PCDH9: variants seen among roughly 807,000 people sequenced by gnomAD.
PCDH9 encodes protocadherin-9.
PCDH9 carries 24 observed loss-of-function variants against 70.6 expected under a neutral mutation model. That is an observed-to-expected ratio of 0.34 (90% CI 0.25 to 0.48). PCDH9 has a LOEUF of 0.48. Among genes scored for constraint, PCDH9 ranks in the 20% least tolerant of loss-of-function variants. The probability of loss-of-function intolerance (pLI) is 0.99; values close to 1 mark genes in which losing one functional copy is unlikely to be tolerated. For synonymous variants in PCDH9, 562 were observed against 558.5 expected, an observed-to-expected ratio of 1.01 and a Z score of -0.09; for missense variants, 1,281 against 1,503.6, an observed-to-expected ratio of 0.85 and a Z score of 2.45.
intron 2 of PCDH9, among the ~76,000 whole-genome samples, chr13:67,178,243 G>A (rs886992478): frequency 1.3e-5 from 2 of 152,006 alleles, no homozygotes; most frequent in Non-Finnish European, 1.5e-5. Flanking sequence ...TACTATGAAA[G>A]TTAAAGGTCA....
At chr13:66,411,545 C>T (rs914663101) in intron 4 of PCDH9, among the ~76,000 whole-genome samples, 3 of 152,010 alleles carry the variant, frequency 2.0e-5, no homozygotes, top group Admixed American at 2.0e-4. Flanking sequence ...GCCTCAGCCT[C>T]CCAAATTACT....
chr13:66,668,225 C>A (rs942957644), intron 3 of PCDH9, among the ~76,000 whole-genome samples: 1 of 152,082 alleles, frequency 6.6e-6, no homozygotes, highest in Non-Finnish European at 1.5e-5. Context: ...AGGTGAGTGA[C>A]AAGTATATAA....
chr13:67,118,721 A>G (rs1424283586), intron 2 of PCDH9, among the ~76,000 whole-genome samples: 6 of 152,144 alleles, frequency 3.9e-5, no homozygotes, highest in Admixed American at 3.9e-4. Flanking sequence ...TCAATGAAAG[A>G]TTGGCCTGAA....
chr13:67,155,769 G>T (rs2087794636), intron 2 of PCDH9, among the ~76,000 whole-genome samples: 1 of 151,816 alleles, frequency 6.6e-6, no homozygotes, highest in Non-Finnish European at 1.5e-5. Flanking sequence ...GCTGTTTTGT[G>T]GGAATAATAA....
At chr13:67,131,518 A>T (rs2087111079) in intron 2 of PCDH9, among the ~76,000 whole-genome samples, 1 of 152,152 alleles carries the variant, frequency 6.6e-6, no homozygotes, top group South Asian at 2.1e-4. Context: ...AACTTTTGAC[A>T]TCTTGATTTC....
chr13:67,157,612 G>A (rs573997881), intron 2 of PCDH9, among the ~76,000 whole-genome samples: 1 of 152,250 alleles, frequency 6.6e-6, no homozygotes, highest in Non-Finnish European at 1.5e-5. Flanking sequence ...CTGTAACTGA[G>A]TGATTTCTTT....
intron 3 of PCDH9, among the ~76,000 whole-genome samples, chr13:66,860,196 G>T (rs865893431): frequency 2.0e-5 from 3 of 152,122 alleles, no homozygotes; most frequent in Admixed American, 6.6e-5. Flanking sequence ...TTTGGCTAGG[G>T]ATAAAAAGGA....
chr13:66,304,260 CAAAAAAAAAA>C lies in PCDH9; in HGVS notation c.*385_*394del, dbSNP rs55837718. 5.5e-4 allele frequency: 36 copies of C among 65,522 alleles called. No individual in the cohort carries two copies. The highest frequency in any genetic ancestry group is 2.2e-3 in the East Asian group (4 of 1,848). The allele number at this position is 65,522 out of a possible 1,614,324, so 4.1% of individuals were successfully genotyped here. A position where few individuals can be genotyped will look rare whatever the true frequency, so the allele number is the denominator to read the frequency against. On this transcript the variant is annotated 3_prime_UTR_variant, in exon 5 of 5. Transcript: ENST00000377865. ...TAGCAGTCCCAGCACAAATCAATGA[CAAAAAAAAAA>C]AAAAAAAAAAAAAAAAGCACAATTT...
chr13:67,015,058 A>C (rs1019387431), intron 2 of PCDH9, among the ~76,000 whole-genome samples: 30 of 152,122 alleles, frequency 2.0e-4, no homozygotes, highest in Admixed American at 9.8e-4. Flanking sequence ...CGCATTTAAC[A>C]AGAGGATACT....
chr13:67,114,124 A>G (rs926809589), intron 2 of PCDH9, among the ~76,000 whole-genome samples: 2 of 152,182 alleles, frequency 1.3e-5, no homozygotes, highest in African/African-American at 4.8e-5. Context: ...GGCAGACAAA[A>G]TCATCAATTG....
intron 4 of PCDH9, among the ~76,000 whole-genome samples, chr13:66,459,904 A>G (rs1353751847): frequency 6.6e-6 from 1 of 151,862 alleles, no homozygotes; most frequent in Non-Finnish European, 1.5e-5. Context: ...GTGCGACTGT[A>G]TTTCTCACGT....
intron 4 of PCDH9, among the ~76,000 whole-genome samples, chr13:66,565,618 T>C (rs1322375451): frequency 3.9e-5 from 6 of 152,212 alleles, no homozygotes; most frequent in Non-Finnish European, 5.9e-5. Flanking sequence ...GGCAATTCCA[T>C]CATTCAGCAT....
chr13:66,819,142 A>C (rs1488409000), intron 3 of PCDH9, among the ~76,000 whole-genome samples: 1 of 152,100 alleles, frequency 6.6e-6, no homozygotes, highest in Non-Finnish European at 1.5e-5. Flanking sequence ...AGCATAGGAA[A>C]GATAAAATGC....
chr13:67,192,186 C>T (rs558980519), intron 2 of PCDH9, among the ~76,000 whole-genome samples: 22 of 151,922 alleles, frequency 1.4e-4, no homozygotes, highest in South Asian at 6.2e-4. Context: ...GAATATAATA[C>T]GTATTCTTCC....
chr13:67,062,955 G>A (rs2085567851), intron 2 of PCDH9, among the ~76,000 whole-genome samples: 1 of 152,136 alleles, frequency 6.6e-6, no homozygotes. Flanking sequence ...GCTAAGCAGA[G>A]CCTAAGAGGT....
At chr13:67,103,999 T>A (rs986144099) in intron 2 of PCDH9, among the ~76,000 whole-genome samples, 2 of 152,198 alleles carry the variant, frequency 1.3e-5, no homozygotes, top group Non-Finnish European at 2.9e-5. Context: ...GTAGCTCTCA[T>A]ATTACATATA....
At chr13:67,174,139 T>C (rs2138455934) in intron 2 of PCDH9, among the ~76,000 whole-genome samples, 1 of 152,250 alleles carries the variant, frequency 6.6e-6, no homozygotes, top group Admixed American at 6.5e-5. Context: ...TGTGGGGAAA[T>C]TAAAAATCCC....
At chr13:66,484,134 C>T (rs1461979356) in intron 4 of PCDH9, among the ~76,000 whole-genome samples, 1 of 152,150 alleles carries the variant, frequency 6.6e-6, no homozygotes, top group Non-Finnish European at 1.5e-5. Context: ...TCCAAGCCCA[C>T]GTGTGATCGG....
intron 3 of PCDH9, among the ~76,000 whole-genome samples, chr13:66,838,372 T>A (rs186464392): frequency 0.016 from 2,415 of 151,840 alleles, 77 homozygotes; most frequent in African/African-American, 0.054. Context: ...AATTCTTTTT[T>A]TAAAAAAAAA....
Sources: allele counts gnomAD v4.1 joint callset (sites outside exome capture counted in the v4.1 genomes callset), GRCh38; gene constraint gnomAD v4.1.1; transcripts MANE v1.5; gene names NCBI Gene and HGNC (gene_info 2026-07-23, HGNC 2026-07-21).